Variants in FASTKD1 observed in about 807,000 individuals in gnomAD.
FASTKD1 encodes FAST kinase domain-containing protein 1, mitochondrial.
Under a neutral mutation model 90.9 loss-of-function variants are expected in FASTKD1, and 94 were observed. That is an observed-to-expected ratio of 1.03 (90% CI 0.88 to 1.23). The LOEUF (loss-of-function observed/expected upper bound fraction) is 1.23. Ranked by LOEUF, FASTKD1 falls within the 50% of genes most tolerant of loss-of-function variation. The pLI is 0.00. For missense variants in FASTKD1, 945 were observed against 993.5 expected, an observed-to-expected ratio of 0.95 and a Z score of 0.66; for synonymous variants, 319 against 345.8, an observed-to-expected ratio of 0.92 and a Z score of 0.86.
intron 12 of FASTKD1, among the ~76,000 whole-genome samples, chr2:169,533,576 C>G (rs1201466237): frequency 6.6e-6 from 1 of 151,986 alleles, no homozygotes; most frequent in African/African-American, 2.4e-5. Context: ...CAAGTACTTA[C>G]GAAGTACTTA....
chr2:169,550,114 G>A (rs962831405), intron 7 of FASTKD1, among the ~76,000 whole-genome samples: 2 of 150,286 alleles, frequency 1.3e-5, no homozygotes, highest in East Asian at 2.0e-4. Flanking sequence ...CTCCTGCCTC[G>A]GCTTCCCAAA....
intron 6 of FASTKD1, among the ~76,000 whole-genome samples, chr2:169,555,483 C>G (rs926768326): frequency 6.6e-6 from 1 of 152,154 alleles, no homozygotes; most frequent in African/African-American, 2.4e-5. Flanking sequence ...ATTCACTTAT[C>G]AATAGTACAA....
At chr2:169,552,271 C>A (rs1008904517) in intron 7 of FASTKD1, among the ~76,000 whole-genome samples, 7 of 152,162 alleles carry the variant, frequency 4.6e-5, no homozygotes, top group Non-Finnish European at 1.0e-4. Flanking sequence ...CATTATCATA[C>A]GTGCTTCAAG....
At chr2:169,562,099 A>T (rs193302314) in intron 4 of FASTKD1, among the ~76,000 whole-genome samples, 13,371 of 38,250 alleles carry the variant, frequency 0.35, 4,889 homozygotes, top group East Asian at 0.87. Flanking sequence ...TTATTGTAAA[A>T]TAATTATTTA....
Position 169,562,106 on chromosome 2 carries a change from T to A in FASTKD1, c.572+1119A>T, listed in dbSNP as rs1051200408. On this transcript the variant is annotated intron_variant, in intron 4 of 14. Transcript: ENST00000453153. ...TTATTAATTTATTGTAAAATAATTA[T>A]TTATTAATTTATTGTAAATTAATTA... 2.2e-4 allele frequency among the ~76,000 whole-genome samples: 27 copies of A among 123,032 alleles called. 1 individual carries two copies. Among genetic ancestry groups the A allele is most frequent in the Non-Finnish European group, 3.9e-4 (21 of 53,346 alleles). 80.7% of individuals were successfully genotyped at this position (123,032 alleles called of 152,430 possible).
chr2:169,569,289 T>C, intron 2 of FASTKD1, 37 bp from the exon 3 acceptor site: 1 of 1,580,918 alleles, frequency 6.3e-7, no homozygotes, highest in Non-Finnish European at 8.7e-7. Context: ...TACATAATCA[T>C]TTTAAAATCA....
rs750691833 is a variant in FASTKD1, at chr2:169,529,389, A to G, written c.*436T>C. On this transcript the variant is annotated 3_prime_UTR_variant, in exon 15 of 15. Coordinates refer to ENST00000453153, the MANE Select transcript of FASTKD1 (RefSeq NM_024622.6). ...CCAAAAAATCTGACTACTTCTTATT[A>G]CCTCCACTGCTACCACTCTCTCCAA... 6.6e-6 allele frequency among the ~76,000 whole-genome samples: 1 copy of G among 152,050 alleles called. No homozygotes were observed. Among genetic ancestry groups the G allele is most frequent in the Non-Finnish European group, 1.5e-5 (1 of 68,018 alleles).
intron 2 of FASTKD1, among the ~76,000 whole-genome samples, chr2:169,569,900 T>C (rs1386465696): frequency 2.6e-5 from 4 of 151,926 alleles, no homozygotes; most frequent in African/African-American, 9.7e-5. Context: ...GTAAAAAAAT[T>C]AAAAAGCTAA....
intron 7 of FASTKD1, among the ~76,000 whole-genome samples, chr2:169,551,513 C>T (rs1047298683): frequency 2.0e-5 from 3 of 152,146 alleles, no homozygotes; most frequent in African/African-American, 7.2e-5. Flanking sequence ...AGAAATCACA[C>T]TGACCAGGCG....
At chr2:169,569,850 CATAA>C (rs1684153025) in intron 2 of FASTKD1, among the ~76,000 whole-genome samples, 1 of 151,930 alleles carries the variant, frequency 6.6e-6, no homozygotes, top group Non-Finnish European at 1.5e-5. Flanking sequence ...GACTCCACCT[CATAA>C]ATAAATAAAT....
At chr2:169,565,589 T>C (rs980455828) in intron 3 of FASTKD1, among the ~76,000 whole-genome samples, 3 of 152,186 alleles carry the variant, frequency 2.0e-5, no homozygotes, top group Non-Finnish European at 4.4e-5. Context: ...CATTCATCTG[T>C]TGATGGACAC....
rs1239602304 is a variant in FASTKD1, at chr2:169,530,650, G to T, written c.2379C>A (p.His793Gln). Residue 793 changes from histidine (H) to glutamine (Q), a missense_variant, in exon 14 of 15, where the codon CAC becomes CAA. His to Gln is a conservative substitution (Grantham distance 24, BLOSUM62 0). Transcript: ENST00000453153. ...DSKALCRNIP[H>Q]MKGKSAMKKR... ...TTTTCATAGCAGATTTTCCTTTCAT[G>T]TGAGGGATATTTCTACAAAGTGCTT... The T allele has an allele frequency of 6.2e-7, 1 of 1,610,118 alleles. No individual in the cohort carries two copies. The highest frequency in any genetic ancestry group is 2.2e-5 in the East Asian group (1 of 44,692).
chr2:169,572,261 G>A (rs967442707), intron 1 of FASTKD1, 90 bp from the exon 2 acceptor site: 3 of 343,394 alleles, frequency 8.7e-6, no homozygotes, highest in African/African-American at 4.2e-5. Flanking sequence ...CATTTTTTCT[G>A]CATTAACTAA....
intron 12 of FASTKD1, among the ~76,000 whole-genome samples, chr2:169,534,119 C>T (rs1391170852): frequency 1.4e-5 from 2 of 138,738 alleles, no homozygotes; most frequent in Admixed American, 8.2e-5. Flanking sequence ...TGCAATGAAC[C>T]GTGATCATGC....
In FASTKD1 at chr2:169,546,290, A is replaced by T; in HGVS notation, c.1629T>A (p.Ile543=). ...YINVGEIASF[I]SSTDYLSTLL... ...AAGTACTGAGGTAATCAGTACTAGA[A>T]ATAAAAGATGCAATCTCCCCAACAT... The change falls in exon 8 of 15, where the codon ATT becomes ATA. Residue 543 remains isoleucine, a synonymous_variant. Transcript: ENST00000453153. 6.2e-7 allele frequency: 1 copy of T among 1,613,796 alleles called. No individual in the cohort carries two copies.
chr2:169,543,395 G>T (rs544130317), intron 9 of FASTKD1, among the ~76,000 whole-genome samples: 16 of 152,064 alleles, frequency 1.1e-4, no homozygotes, highest in South Asian at 4.2e-4. Flanking sequence ...CCTGGGAGGC[G>T]GAGGTTGCAG....
intron 6 of FASTKD1, among the ~76,000 whole-genome samples, chr2:169,556,225 C>T (rs1215340722): frequency 6.6e-6 from 1 of 151,664 alleles, no homozygotes; most frequent in Admixed American, 6.6e-5. Context: ...TTCCTTGAGC[C>T]CAGGAGTTGG....
intron 9 of FASTKD1, among the ~76,000 whole-genome samples, chr2:169,541,998 A>G (rs1478292694): frequency 1.3e-5 from 2 of 152,104 alleles, no homozygotes; most frequent in African/African-American, 2.4e-5. Flanking sequence ...CACTCTCTCA[A>G]TTCATTTAAT....
chr2:169,545,887 T>G (rs1007626771), intron 8 of FASTKD1, among the ~76,000 whole-genome samples: 1 of 152,160 alleles, frequency 6.6e-6, no homozygotes, highest in Admixed American at 6.6e-5. Context: ...AATGAGAAAG[T>G]GACTTTAAGG....
Sources: allele counts gnomAD v4.1 joint callset (sites outside exome capture counted in the v4.1 genomes callset), GRCh38; gene constraint gnomAD v4.1.1; transcripts MANE v1.5; gene names NCBI Gene and HGNC (gene_info 2026-07-23, HGNC 2026-07-21).